Variants in AHSA1 observed in about 807,000 individuals in gnomAD.
The protein encoded by AHSA1 is activator of 90 kDa heat shock protein ATPase homolog 1.
A neutral mutation model predicts 46.1 loss-of-function variants in AHSA1; 14 were observed. The observed-to-expected ratio is 0.30, with a 90% CI of 0.20 to 0.47. The LOEUF (loss-of-function observed/expected upper bound fraction) is 0.47, where lower values mean the gene tolerates loss of function less well. Among genes scored for constraint, AHSA1 ranks in the 20% least tolerant of loss-of-function variants. AHSA1 has a pLI of 0.99. For synonymous variants in AHSA1, 147 were observed against 145.8 expected (o/e 1.01, Z -0.06); for missense variants, 333 against 415.9 (o/e 0.80, Z 1.73).
chr14:77,465,574 T>C lies in AHSA1; in HGVS notation c.597T>C (p.Pro199=), dbSNP rs369396310. The C allele has an allele frequency of 1.2e-4, 189 of 1,614,086 alleles. No individual in the cohort carries two copies. In the Admixed American group the frequency reaches 1.6e-3, roughly 14 times the overall value. Reference sequence around the variant, plus strand: ...CTCCTTCAAAAACCCAGGCCAGACCTGTTGGAGTCAAAATCCCCACTTGTA... The same window carrying C: ...CTCCTTCAAAAACCCAGGCCAGACCCGTTGGAGTCAAAATCCCCACTTGTA... ...KPAPSKTQAR[P]VGVKIPTCKI... is the part of the protein sequence containing the mutation. The change falls in exon 6 of 9, where the codon CCT becomes CCC. Residue 199 remains proline, a synonymous_variant. Coordinates refer to ENST00000216479, the MANE Select transcript of AHSA1 (RefSeq NM_012111.3).
At chr14:77,462,453 G>C (rs943878847) in intron 3 of AHSA1, 189 bp from the exon 4 acceptor site, 1 of 726,532 alleles carries the variant, frequency 1.4e-6, no homozygotes, top group African/African-American at 1.8e-5. Context: ...AGTGACATGG[G>C]TTCTAACTAA....
At chr14:77,461,109 G>A (rs34646707) in intron 2 of AHSA1, among the ~76,000 whole-genome samples, 2 of 151,710 alleles carry the variant, frequency 1.3e-5, no homozygotes, top group Non-Finnish European at 2.9e-5. Context: ...CAGTGAGCTG[G>A]GATCGCACCG....
At chr14:77,460,268 C>A in intron 2 of AHSA1, 1 of 199,508 alleles carries the variant, frequency 5.0e-6, no homozygotes, top group Non-Finnish European at 1.0e-5. Flanking sequence ...AGTTTTATGT[C>A]CCTTGTGTAT....
chr14:77,458,774 C>T (rs1174763481), intron 1 of AHSA1, among the ~76,000 whole-genome samples: 1 of 152,220 alleles, frequency 6.6e-6, no homozygotes, highest in Non-Finnish European at 1.5e-5. Flanking sequence ...TAGCTGCGGC[C>T]TCTCACCCGG....
Position 77,462,306 on chromosome 14 carries a change from G to A in AHSA1, c.354+64G>A, listed in dbSNP as rs752459290. 14 of 1,478,060 alleles carry A rather than the reference G, an allele frequency of 9.5e-6. No individual in the cohort carries two copies. In the East Asian group the frequency reaches 1.4e-4, roughly 14 times the overall value. 91.6% of individuals were successfully genotyped at this position (1,478,060 alleles called of 1,614,324 possible). ...CCTCTTATTCTCAGATGAGAAAAGTGACCTGTCATTCAGGATTCATAGCCC... is the reference window on the plus strand; with the variant it reads ...CCTCTTATTCTCAGATGAGAAAAGTAACCTGTCATTCAGGATTCATAGCCC... On this transcript the variant is annotated intron_variant, in intron 3 of 8. Transcript: ENST00000216479.
intron 2 of AHSA1, among the ~76,000 whole-genome samples, chr14:77,460,725 C>T (rs2079018646): frequency 6.6e-6 from 1 of 151,610 alleles, no homozygotes; most frequent in Non-Finnish European, 1.5e-5. Context: ...CCACGCCCGG[C>T]TAATTTTGTA....
upstream of AHSA1, chr14:77,457,895 A>C: frequency 3.9e-5 from 19 of 487,438 alleles, no homozygotes; most frequent in East Asian, 6.9e-5. Context: ...TGGGTGAGGA[A>C]TGGTTGTATG....
At chr14:77,468,880 G>A (rs572349252) in intron 8 of AHSA1, 197 bp from the exon 9 acceptor site, 1 of 633,502 alleles carries the variant, frequency 1.6e-6, no homozygotes, top group East Asian at 3.0e-5. Context: ...CCACGCCCAC[G>A]TAATTTTAGT....
intron 8 of AHSA1, chr14:77,468,740 T>TAAC: frequency 1.5e-5 from 7 of 468,346 alleles, no homozygotes; most frequent in South Asian, 3.1e-5. Context: ...TTTTTTTTTT[T>TAAC]TTTTTACTTT....
rs2079063980 is a variant in AHSA1 at position 77,469,366 on chromosome 14, C to G, written c.*117C>G. On this transcript the variant is annotated 3_prime_UTR_variant, in exon 9 of 9. Transcript: ENST00000216479. ...CTGCTAACTTGGGGCCGGGGCCCCTCCCTTCCACATATACCTTGGGTTTGT... is the reference window on the plus strand; with the variant it reads ...CTGCTAACTTGGGGCCGGGGCCCCTGCCTTCCACATATACCTTGGGTTTGT... 12 of 1,269,228 alleles carry G rather than the reference C, an allele frequency of 9.5e-6. No individual in the cohort carries two copies. In the South Asian group the frequency reaches 1.7e-4, roughly 18 times the overall value. 78.6% of individuals were successfully genotyped at this position (1,269,228 alleles called of 1,614,324 possible). A position where few individuals can be genotyped will look rare whatever the true frequency, so the allele number is the denominator to read the frequency against.
intron 2 of AHSA1, among the ~76,000 whole-genome samples, chr14:77,461,613 G>A (rs1417368306): frequency 6.6e-6 from 1 of 152,122 alleles, no homozygotes; most frequent in Non-Finnish European, 1.5e-5. Flanking sequence ...CACAATCAGA[G>A]GGAACATTAC....
intron 7 of AHSA1, 37 bp from the exon 8 acceptor site, chr14:77,468,420 A>T: frequency 6.4e-7 from 1 of 1,572,860 alleles, no homozygotes; most frequent in Non-Finnish European, 8.7e-7. Flanking sequence ...GGTACATTGT[A>T]GTATATAATA....
rs1016875990 is a variant in AHSA1, at chr14:77,460,167, A to G, written c.271+361A>G. On this transcript the variant is annotated intron_variant, in intron 2 of 8. Transcript: ENST00000216479. The stretch of plus-strand genomic sequence containing the variant: ...ATTTTTTTGGTCTTGATCTTTGTGC[A>G]CTGTCTTCAGTGTGAATCTTAACAG... 25 of 313,974 alleles carry G rather than the reference A, an allele frequency of 8.0e-5. No individual in the cohort carries two copies. In the Admixed American group the frequency reaches 1.2e-3, roughly 15 times the overall value. The allele number at this position is 313,974 out of a possible 1,614,324, so 19.4% of individuals were successfully genotyped here. A position where few individuals can be genotyped will look rare whatever the true frequency, so the allele number is the denominator to read the frequency against.
rs2079013741 is a variant in AHSA1, at chr14:77,459,780, A to G, written c.245A>G (p.Glu82Gly). 6.2e-7 allele frequency: 1 copy of G among 1,614,088 alleles called. No individual in the cohort carries two copies. The highest frequency in any genetic ancestry group is 1.7e-5 in the Admixed American group (1 of 60,004). ...NRKGKLIFFY[E>G]WSVKLNWTGT... is the part of the protein sequence containing the mutation. ...AAAGGGAAACTTATCTTCTTTTATG[A>G]ATGGAGCGTCAAACTAAACTGGACA... Residue 82 changes from glutamate (E) to glycine (G), a missense_variant, in exon 2 of 9, where the codon GAA becomes GGA. Glu to Gly is a moderately conservative substitution (Grantham distance 98, BLOSUM62 -2). Transcript: ENST00000216479.
At chr14:77,459,494 C>A in intron 1 of AHSA1, 122 bp from the exon 2 acceptor site, 1 of 930,470 alleles carries the variant, frequency 1.1e-6, no homozygotes, top group Non-Finnish European at 1.7e-6. Flanking sequence ...TGGAGTGCGA[C>A]TGGGAGTTTT....
chr14:77,459,702 G>A lies in AHSA1; in HGVS notation c.167G>A (p.Cys56Tyr). Reference protein sequence around the residue: ...AVQVQNEEGKCEVTEVSKLDG... With the variant: ...AVQVQNEEGKYEVTEVSKLDG... ...CAGGTTCAAAATGAAGAAGGCAAGT[G>A]TGAGGTGACGGAAGTGAGTAAGCTT... Residue 56 changes from cysteine to tyrosine, a missense_variant, in exon 2 of 9, where the codon TGT becomes TAT. Transcript: ENST00000216479. 1.2e-6 allele frequency: 2 copies of A among 1,614,240 alleles called. No individual in the cohort carries two copies.
intron 6 of AHSA1, among the ~76,000 whole-genome samples, chr14:77,467,809 C>T (rs549893526): frequency 1.8e-4 from 28 of 152,368 alleles, no homozygotes; most frequent in Admixed American, 1.3e-3. Flanking sequence ...TTCATAAGCT[C>T]ATTCTTATAT....
chr14:77,465,276 T>C (rs1200587599), intron 5 of AHSA1, among the ~76,000 whole-genome samples: 1 of 152,244 alleles, frequency 6.6e-6, no homozygotes, highest in Admixed American at 6.5e-5. Context: ...TTCAAAAATA[T>C]CTCAATGATT....
At chr14:77,463,338 C>T (rs577842147) in intron 4 of AHSA1, among the ~76,000 whole-genome samples, 2 of 152,108 alleles carry the variant, frequency 1.3e-5, no homozygotes, top group South Asian at 4.2e-4. Flanking sequence ...CCTATAATCC[C>T]AGCCCTTTGG....
Sources: gnomAD v4.1 joint callset for allele counts (sites outside exome capture counted in the v4.1 genomes callset) on GRCh38, gnomAD v4.1.1 for gene constraint, MANE v1.5 for transcripts, NCBI Gene and HGNC (gene_info 2026-07-23, HGNC 2026-07-21) for gene names.